THSD4: variants seen among roughly 807,000 people sequenced by gnomAD.
THSD4 encodes thrombospondin type 1 domain containing 4, also known as thrombospondin type-1 domain-containing protein 4.
Under a neutral mutation model 119.0 loss-of-function variants are expected in THSD4, and 69 were observed. The ratio of observed to expected loss-of-function variants is 0.58; its 90% confidence interval spans 0.48 to 0.71. The LOEUF (loss-of-function observed/expected upper bound fraction) is 0.71. Ranked by LOEUF, THSD4 falls within the 30% of genes least tolerant of loss-of-function variation. The pLI is 0.00. For synonymous variants in THSD4, 524 were observed against 540.4 expected, an observed-to-expected ratio of 0.97 and a Z score of 0.42; for missense variants, 1,393 against 1,391.1, an observed-to-expected ratio of 1.00 and a Z score of -0.02.
At chr15:71,538,315 C>T (rs1161262521) in intron 7 of THSD4, among the ~76,000 whole-genome samples, 1 of 152,124 alleles carries the variant, frequency 6.6e-6, no homozygotes, top group Middle Eastern at 3.2e-3. Flanking sequence ...AACTTTACTC[C>T]TCAAGTGGCT....
chr15:71,194,688 G>C (rs1326985504), intron 3 of THSD4, among the ~76,000 whole-genome samples: 2 of 152,150 alleles, frequency 1.3e-5, no homozygotes, highest in Non-Finnish European at 2.9e-5. Context: ...GCAGCCCCTG[G>C]TTCATGATAT....
At position 71,365,131 on chromosome 15, in the gene THSD4, TTGTG is replaced by T. The variant is rs10690804; in HGVS notation, c.1016-46524_1016-46521del. Among the ~76,000 whole-genome samples, 996 of 135,854 alleles carry T rather than the reference TTGTG, an allele frequency of 7.3e-3. 7 individuals carry two copies. Among genetic ancestry groups the T allele is most frequent in the Middle Eastern group, 0.035 (9 of 256 alleles). The allele number at this position is 135,854 out of a possible 152,430, so 89.1% of individuals were successfully genotyped here. A position where few individuals can be genotyped will look rare whatever the true frequency, so the allele number is the denominator to read the frequency against. On this transcript the variant is annotated intron_variant, in intron 6 of 17. Transcript: ENST00000261862. ...GAAAATATATCCACTGCCCCCCCCA[TTGTG>T]TGTGTGTGTGTGTGTGTGTGTGTGT...
chr15:71,300,185 T>C (rs2044929084), intron 6 of THSD4, among the ~76,000 whole-genome samples: 1 of 151,704 alleles, frequency 6.6e-6, no homozygotes, highest in Non-Finnish European at 1.5e-5. Context: ...TAAAATTAGT[T>C]TTTTAAAAAA....
chr15:71,435,580 C>G (rs1298868056), intron 7 of THSD4, among the ~76,000 whole-genome samples: 2 of 152,196 alleles, frequency 1.3e-5, no homozygotes, highest in Non-Finnish European at 2.9e-5. Flanking sequence ...TAGAATACGA[C>G]AGGCAAAATT....
intron 7 of THSD4, among the ~76,000 whole-genome samples, chr15:71,599,507 C>T (rs901323636): frequency 2.0e-5 from 3 of 152,184 alleles, no homozygotes; most frequent in African/African-American, 7.2e-5. Context: ...TTGTTCTGGC[C>T]AGACCTTAAC....
intron 7 of THSD4, among the ~76,000 whole-genome samples, chr15:71,581,461 T>C (rs2049557176): frequency 6.6e-6 from 1 of 152,186 alleles, no homozygotes; most frequent in South Asian, 2.1e-4. Flanking sequence ...GTTTTGCAAA[T>C]ATTAGCTTCT....
intron 7 of THSD4, among the ~76,000 whole-genome samples, chr15:71,597,078 T>G (rs2049918985): frequency 1.3e-5 from 2 of 152,234 alleles, no homozygotes; most frequent in South Asian, 4.1e-4. Flanking sequence ...ACTTTGAAGT[T>G]GTTTCTTTTC....
chr15:71,199,497 GGTGT>G (rs1265958793), intron 3 of THSD4, among the ~76,000 whole-genome samples: 8 of 141,354 alleles, frequency 5.7e-5, no homozygotes, highest in South Asian at 2.3e-4. Context: ...GGGTGTGTGT[GGTGT>G]GTGTGTGTGT....
intron 7 of THSD4, among the ~76,000 whole-genome samples, chr15:71,442,660 G>GTGTATGTATA: frequency 7.7e-5 from 2 of 25,816 alleles, no homozygotes; most frequent in African/African-American, 2.2e-4. Flanking sequence ...GTGTGTGTGT[G>GTGTATGTATA]TATATATATA....
At chr15:71,163,488 T>C (rs1253350011) in intron 3 of THSD4, among the ~76,000 whole-genome samples, 1 of 152,092 alleles carries the variant, frequency 6.6e-6, no homozygotes, top group East Asian at 1.9e-4. Flanking sequence ...GCCAAATTGT[T>C]CCCTAAACTG....
chr15:71,394,266 C>CTTTTTTT (rs58372446), intron 6 of THSD4, among the ~76,000 whole-genome samples: 45 of 89,676 alleles, frequency 5.0e-4, no homozygotes, highest in East Asian at 1.1e-3. Flanking sequence ...ACACATTTGT[C>CTTTTTTT]TTTTTTTTTT....
chr15:71,408,864 G>A (rs80198842), intron 6 of THSD4, among the ~76,000 whole-genome samples: 7,412 of 152,156 alleles, frequency 0.049, 446 homozygotes, highest in African/African-American at 0.14. Context: ...ACAGACACAA[G>A]GGTTGGGGGC....
chr15:71,507,637 C>T (rs1228182951), intron 7 of THSD4, among the ~76,000 whole-genome samples: 1 of 151,558 alleles, frequency 6.6e-6, no homozygotes, highest in Admixed American at 6.6e-5. Flanking sequence ...CACATTGCCA[C>T]CTAGAACCTC....
At chr15:71,660,071 C>T (rs1402574554) in intron 7 of THSD4, among the ~76,000 whole-genome samples, 1 of 152,188 alleles carries the variant, frequency 6.6e-6, no homozygotes, top group Non-Finnish European at 1.5e-5. Flanking sequence ...TCCTAAGAAA[C>T]TGGTCCAGGG....
chr15:71,445,391 T>G (rs1373713661), intron 7 of THSD4, among the ~76,000 whole-genome samples: 1 of 152,196 alleles, frequency 6.6e-6, no homozygotes, highest in Non-Finnish European at 1.5e-5. Context: ...CGCATAATAC[T>G]TACTCAAAAG....
chr15:71,702,303 TTA>T (rs2052307233), intron 8 of THSD4, among the ~76,000 whole-genome samples: 1 of 152,224 alleles, frequency 6.6e-6, no homozygotes, highest in Non-Finnish European at 1.5e-5. Context: ...AAACTCTTAG[TTA>T]ATTGATTCAT....
At position 71,211,153 on chromosome 15, in the gene THSD4, T is replaced by C. The variant is rs1453448296; in HGVS notation, c.100-3882T>C. On this transcript the variant is annotated intron_variant, in intron 3 of 17. Coordinates refer to ENST00000261862, the MANE Select transcript of THSD4 (RefSeq NM_024817.3). ...TGTCAAACTTTATAATATTCGGCAG[T>C]CTAATGGGTTTTAAATAGAATTTTG... Among the ~76,000 whole-genome samples the C allele has an allele frequency of 3.9e-5, 6 of 152,196 alleles. No individual in the cohort carries two copies. The East Asian group carries it at 1.2e-3, about 29-fold the overall frequency.
At chr15:71,360,109 G>C (rs1342144474) in intron 6 of THSD4, among the ~76,000 whole-genome samples, 1 of 152,160 alleles carries the variant, frequency 6.6e-6, no homozygotes, top group Non-Finnish European at 1.5e-5. Context: ...TTCATCCGAA[G>C]GCTTCTTGGC....
intron 4 of THSD4, among the ~76,000 whole-genome samples, chr15:71,241,154 A>G (rs1262552960): frequency 6.6e-6 from 1 of 152,246 alleles, no homozygotes; most frequent in African/African-American, 2.4e-5. Flanking sequence ...GCCATCCTGT[A>G]GAAACCCTTG....
Sources: allele counts gnomAD v4.1 joint callset (sites outside exome capture counted in the v4.1 genomes callset), GRCh38; gene constraint gnomAD v4.1.1; transcripts MANE v1.5; gene names NCBI Gene and HGNC (gene_info 2026-07-23, HGNC 2026-07-21).